FBXL13: variants seen among roughly 807,000 people sequenced by gnomAD.
FBXL13 encodes F-box and leucine rich repeat protein 13.
A neutral mutation model predicts 83.6 loss-of-function variants in FBXL13; 67 were observed. That is an observed-to-expected ratio of 0.80 (90% confidence interval 0.66 to 0.98). The LOEUF is 0.98. FBXL13 is among the 50% of genes least tolerant of loss of function. The pLI is 0.00. For missense variants in FBXL13, 822 were observed against 866.5 expected (o/e 0.95, Z 0.64); for synonymous variants, 272 against 299.5 (o/e 0.91, Z 0.95).
intron 6 of FBXL13, among the ~76,000 whole-genome samples, chr7:103,016,734 C>T (rs959309566): frequency 6.6e-6 from 1 of 152,150 alleles, no homozygotes; most frequent in African/African-American, 2.4e-5. Context: ...ATTGCTCGCA[C>T]AGCAGTCTGA....
At chr7:102,891,736 G>A (rs1485092290) in intron 11 of FBXL13, among the ~76,000 whole-genome samples, 1 of 152,200 alleles carries the variant, frequency 6.6e-6, no homozygotes, top group Non-Finnish European at 1.5e-5. Flanking sequence ...CAGATGCCAG[G>A]AAGGCTTGCA....
At chr7:102,908,060 C>T (rs1003096309) in intron 11 of FBXL13, among the ~76,000 whole-genome samples, 1 of 152,214 alleles carries the variant, frequency 6.6e-6, no homozygotes, top group Non-Finnish European at 1.5e-5. Context: ...CATCCCATTA[C>T]TGGGTATATA....
At chr7:102,942,398 CAT>C in intron 8 of FBXL13, 1 of 1,402,924 alleles carries the variant, frequency 7.1e-7, no homozygotes. Context: ...GAATAACAAT[CAT>C]ATAAAATGCC....
chr7:103,015,866 A>G (rs1792246247), intron 6 of FBXL13, among the ~76,000 whole-genome samples: 1 of 151,918 alleles, frequency 6.6e-6, no homozygotes, highest in African/African-American at 2.4e-5. Flanking sequence ...ACACACTGTG[A>G]GCCAAATTAA....
rs916541618 is a variant in FBXL13 at position 102,896,302 on chromosome 7, G to T, written c.1009-11990C>A. 2.0e-5 allele frequency among the ~76,000 whole-genome samples: 3 copies of T among 152,306 alleles called. No individual in the cohort carries two copies. The East Asian group carries it at 5.8e-4, about 29-fold the overall frequency. Reference sequence around the variant, plus strand: ...TATTATGTTGAAAGTAGACTTGCAGGAGGCAGGGGTGAAAGCAGAAAGGCC... The same window carrying T: ...TATTATGTTGAAAGTAGACTTGCAGTAGGCAGGGGTGAAAGCAGAAAGGCC... On this transcript the variant is annotated intron_variant, in intron 11 of 19. Coordinates refer to ENST00000313221, the Ensembl canonical transcript of FBXL13.
At chr7:102,912,677 C>T (rs1277058859) in intron 11 of FBXL13, among the ~76,000 whole-genome samples, 15 of 136,232 alleles carry the variant, frequency 1.1e-4, no homozygotes, top group African/African-American at 4.0e-4. Flanking sequence ...TTTTACCCCC[C>T]CCCCCCCAAA....
At chr7:103,033,766 G>A (rs1251601785) in intron 2 of FBXL13, among the ~76,000 whole-genome samples, 1 of 152,152 alleles carries the variant, frequency 6.6e-6, no homozygotes, top group African/African-American at 2.4e-5. Context: ...AGCTTCCACA[G>A]TGTGGAAGGG....
At chr7:102,943,916 C>T (rs1044717942) in intron 8 of FBXL13, among the ~76,000 whole-genome samples, 3 of 152,188 alleles carry the variant, frequency 2.0e-5, no homozygotes, top group Admixed American at 2.0e-4. Context: ...TAGGACCCCA[C>T]CTTCCCACCA....
At chr7:102,862,968 C>T (rs933373959) in intron 16 of FBXL13, among the ~76,000 whole-genome samples, 6 of 152,240 alleles carry the variant, frequency 3.9e-5, no homozygotes, top group South Asian at 2.1e-4. Context: ...TCAGCCATCT[C>T]TAGATCTAGC....
chr7:102,877,656 CATATAA>C, intron 15 of FBXL13, 63 bp from the exon 17 acceptor site: 1 of 1,512,116 alleles, frequency 6.6e-7, no homozygotes, highest in Non-Finnish European at 8.9e-7. Context: ...GCAATTTCTT[CATATAA>C]AAACTATCTT....
chr7:103,039,484 A>G (rs1795428066), intron 2 of FBXL13, among the ~76,000 whole-genome samples: 1 of 152,198 alleles, frequency 6.6e-6, no homozygotes, highest in Non-Finnish European at 1.5e-5. Flanking sequence ...ACCAACACAA[A>G]GATACGCCTT....
intron 19 of FBXL13, chr7:102,816,237 A>G (rs1408400045): frequency 6.6e-6 from 1 of 152,206 alleles, no homozygotes; most frequent in Admixed American, 6.6e-5. Flanking sequence ...CTCTCCTTCC[A>G]GACTCAAGTT....
At chr7:102,878,477 A>T (rs748921453) in intron 14 of FBXL13, 27 bp from the exon 16 acceptor site, 1 of 1,504,454 alleles carries the variant, frequency 6.6e-7, no homozygotes, top group Non-Finnish European at 9.0e-7. Flanking sequence ...AAAATTTTAC[A>T]TGTGATTCTA....
chr7:102,984,184 C>G (rs1309095747), intron 6 of FBXL13, among the ~76,000 whole-genome samples: 3 of 151,826 alleles, frequency 2.0e-5, no homozygotes, highest in African/African-American at 4.9e-5. Context: ...TCATTTGCAT[C>G]TTTAAATCTG....
chr7:102,848,413 G>A (rs1234875308), intron 17 of FBXL13, among the ~76,000 whole-genome samples: 3 of 100,380 alleles, frequency 3.0e-5, no homozygotes, highest in Middle Eastern at 5.1e-3. Flanking sequence ...AAAATTAGCC[G>A]GGCGTAGTGG....
At chr7:103,069,195 C>T (rs567493889) in intron 1 of FBXL13, among the ~76,000 whole-genome samples, 3 of 152,122 alleles carry the variant, frequency 2.0e-5, no homozygotes, top group Non-Finnish European at 4.4e-5. Context: ...TCCCTGGCTG[C>T]CCCACAGTCT....
intron 11 of FBXL13, among the ~76,000 whole-genome samples, chr7:102,898,089 G>T (rs1379994345): frequency 6.6e-6 from 1 of 152,006 alleles, no homozygotes; most frequent in Non-Finnish European, 1.5e-5. Context: ...ATTAGGATTG[G>T]CACAACCAAT....
intron 2 of FBXL13, among the ~76,000 whole-genome samples, chr7:103,043,152 T>C (rs1159356403): frequency 6.6e-6 from 1 of 152,114 alleles, no homozygotes; most frequent in Admixed American, 6.5e-5. Flanking sequence ...TATCAAAAAG[T>C]GGGCAAAGGA....
At chr7:102,960,948 C>T (rs1277150486) in intron 8 of FBXL13, among the ~76,000 whole-genome samples, 2 of 151,972 alleles carry the variant, frequency 1.3e-5, no homozygotes, top group African/African-American at 4.8e-5. Flanking sequence ...CCTCTCTCAC[C>T]ACTCCTATTC....
Sources: allele counts gnomAD v4.1 joint callset (sites outside exome capture counted in the v4.1 genomes callset), GRCh38; gene constraint gnomAD v4.1.1; transcripts MANE v1.5; gene names NCBI Gene and HGNC (gene_info 2026-07-23, HGNC 2026-07-21).